PPP2R2B: variants seen among roughly 807,000 people sequenced by gnomAD.
The protein encoded by PPP2R2B is serine/threonine-protein phosphatase 2A 55 kDa regulatory subunit B beta isoform.
Under a neutral mutation model 46.0 loss-of-function variants are expected in PPP2R2B, and 5 were observed. The ratio of observed to expected loss-of-function variants is 0.11; its 90% CI spans 0.06 to 0.23. The LOEUF (loss-of-function observed/expected upper bound fraction) is 0.23. Among genes scored for constraint, PPP2R2B ranks in the 10% least tolerant of loss-of-function variants. The probability of loss-of-function intolerance (pLI) is 1.00; values close to 1 mark genes in which losing one functional copy is unlikely to be tolerated. For synonymous variants in PPP2R2B, 215 were observed against 206.7 expected (o/e 1.04, Z -0.34); for missense variants, 367 against 575.0 (o/e 0.64, Z 3.70).
At chr5:146,840,098 TTCTG>T (rs1163738274) in intron 2 of PPP2R2B, among the ~76,000 whole-genome samples, 7 of 152,222 alleles carry the variant, frequency 4.6e-5, no homozygotes, top group African/African-American at 7.2e-5. Context: ...ATTATGTTGA[TTCTG>T]TTTTTTTCTA....
chr5:147,055,777 AAC>A (rs1757060775), exon 1 of PPP2R2B: 9 of 1,573,474 alleles, frequency 5.7e-6, no homozygotes, highest in Middle Eastern at 1.8e-4. Flanking sequence ...TAAATAAAAA[AAC>A]AGTCTCCTGA....
intron 2 of PPP2R2B, among the ~76,000 whole-genome samples, chr5:146,801,485 A>G (rs1756862649): frequency 6.6e-6 from 1 of 152,218 alleles, no homozygotes; most frequent in South Asian, 2.1e-4. Context: ...TAGAAAAAGA[A>G]TAGGGCCCCT....
chr5:147,002,719 C>G (rs1200606208), intron 1 of PPP2R2B, among the ~76,000 whole-genome samples: 1 of 148,434 alleles, frequency 6.7e-6, no homozygotes, highest in African/African-American at 2.4e-5. Context: ...CTCTTCTGAT[C>G]ACCAGGGTCC....
intron 2 of PPP2R2B, among the ~76,000 whole-genome samples, chr5:146,838,774 T>C (rs1759450880): frequency 6.6e-6 from 1 of 152,192 alleles, no homozygotes; most frequent in South Asian, 2.1e-4. Flanking sequence ...TAGTTCCTCA[T>C]ATATTATACC....
Position 146,898,185 on chromosome 5 carries a change from C to CA in PPP2R2B, c.79+157479dup, listed in dbSNP as rs1183910825. Among the ~76,000 whole-genome samples the CA allele has an allele frequency of 1.1e-4, 17 of 152,026 alleles. 1 individual carries two copies. In the East Asian group the frequency reaches 3.3e-3, roughly 29 times the overall value. On this transcript the variant is annotated intron_variant, in intron 1 of 8. Coordinates refer to the PPP2R2B transcript ENST00000336640. Reference sequence around the variant, plus strand: ...GGGCGACAAGAGTGAGACTCCATCTCAAAAAAACAAACAAACAAAAAAAGT... The same window carrying CA: ...GGGCGACAAGAGTGAGACTCCATCTCAAAAAAAACAAACAAACAAAAAAAGT...
At chr5:147,059,398 A>T (rs1757191392), upstream of PPP2R2B, among the ~76,000 whole-genome samples, 1 of 152,226 alleles carries the variant, frequency 6.6e-6, no homozygotes, top group Non-Finnish European at 1.5e-5. Context: ...GTTAGCAGTC[A>T]TTAACTCTGT....
rs143154447 is a variant in PPP2R2B, at chr5:146,860,224, T to G, written c.70+17778A>C. Among the ~76,000 whole-genome samples the G allele has an allele frequency of 1.8e-3, 275 of 152,330 alleles. 2 individuals carry two copies. Among genetic ancestry groups the G allele is most frequent in the Non-Finnish European group, 1.8e-3 (121 of 68,026 alleles). ...GTAAAACAAAAGCCATCATGCTATT[T>G]TAAGTATACATTTTCCCTGGGCCTA... On this transcript the variant is annotated intron_variant, in intron 2 of 9. Transcript: ENST00000394411.
At chr5:146,635,699 A>G (rs1476217455) in intron 7 of PPP2R2B, among the ~76,000 whole-genome samples, 1 of 152,226 alleles carries the variant, frequency 6.6e-6, no homozygotes, top group African/African-American at 2.4e-5. Flanking sequence ...CATGTCCGGT[A>G]CTGAGTCCCA....
chr5:146,955,905 A>C (rs2151838661), intron 1 of PPP2R2B, among the ~76,000 whole-genome samples: 1 of 149,798 alleles, frequency 6.7e-6, no homozygotes, highest in East Asian at 2.0e-4. Flanking sequence ...CAGCCTCCTG[A>C]GTAGCTGGGA....
intron 2 of PPP2R2B, among the ~76,000 whole-genome samples, chr5:146,781,484 A>C (rs981941360): frequency 1.3e-5 from 2 of 151,970 alleles, no homozygotes; most frequent in Non-Finnish European, 2.9e-5. Flanking sequence ...TTAACACAAA[A>C]ATCTGGATAT....
chr5:146,877,190 C>T (rs962069927), intron 2 of PPP2R2B, among the ~76,000 whole-genome samples: 5 of 152,322 alleles, frequency 3.3e-5, no homozygotes, highest in African/African-American at 1.2e-4. Context: ...TGAGATTCCA[C>T]CTGCTGACTT....
In PPP2R2B at chr5:146,944,169, G is replaced by T. The variant is rs1315469908; in HGVS notation, c.79+111496C>A. Among the ~76,000 whole-genome samples, 3 of 152,242 alleles carry T rather than the reference G, an allele frequency of 2.0e-5. No individual in the cohort carries two copies. The East Asian group carries it at 5.8e-4, about 29-fold the overall frequency. On this transcript the variant is annotated intron_variant, in intron 1 of 8. Coordinates refer to the PPP2R2B transcript ENST00000336640. ...GTAGTTCCATAATGGTCTCATTACT[G>T]CTCCTAAGTGCAATACGCTGAGACG...
chr5:146,909,533 T>G (rs1291328180), intron 1 of PPP2R2B, among the ~76,000 whole-genome samples: 4 of 152,196 alleles, frequency 2.6e-5, no homozygotes, highest in Admixed American at 1.3e-4. Flanking sequence ...CATAATAACC[T>G]GGCATGAAAT....
chr5:146,698,487 T>C (rs1333269599), intron 3 of PPP2R2B, among the ~76,000 whole-genome samples: 3 of 151,682 alleles, frequency 2.0e-5, no homozygotes, highest in African/African-American at 7.3e-5. Flanking sequence ...TTTTGCATCC[T>C]AACAGATGCT....
chr5:146,688,180 G>A (rs1257860649), intron 5 of PPP2R2B, among the ~76,000 whole-genome samples: 1 of 152,092 alleles, frequency 6.6e-6, no homozygotes, highest in African/African-American at 2.4e-5. Flanking sequence ...GAGAGCCTAG[G>A]AAAGGAGAGG....
At chr5:146,867,259 A>G (rs563814017) in intron 2 of PPP2R2B, among the ~76,000 whole-genome samples, 4 of 152,318 alleles carry the variant, frequency 2.6e-5, no homozygotes, top group Non-Finnish European at 4.4e-5. Context: ...GTTCAACCTC[A>G]AGGAAATCAA....
intron 2 of PPP2R2B, chr5:146,856,524 T>C: frequency 1.9e-6 from 3 of 1,610,868 alleles, no homozygotes; most frequent in Non-Finnish European, 2.5e-6. Context: ...TGTTTTCATC[T>C]GGATAATTCA....
intron 2 of PPP2R2B, among the ~76,000 whole-genome samples, chr5:146,822,535 G>GTTTTTTTTTTTTTTTT (rs368081191): frequency 8.0e-6 from 1 of 125,300 alleles, no homozygotes; most frequent in Non-Finnish European, 1.7e-5. Flanking sequence ...TTCATTTTTG[G>GTTTTTTTTTTTTTTTT]TTTTTTTTTT....
At chr5:146,918,683 G>T (rs1395516005) in intron 1 of PPP2R2B, among the ~76,000 whole-genome samples, 1 of 151,914 alleles carries the variant, frequency 6.6e-6, no homozygotes, top group East Asian at 1.9e-4. Context: ...TATACTTTTG[G>T]TTCTTCCTGT....
Sources: gnomAD v4.1 joint callset for allele counts (sites outside exome capture counted in the v4.1 genomes callset) on GRCh38, gnomAD v4.1.1 for gene constraint, MANE v1.5 for transcripts, NCBI Gene and HGNC (gene_info 2026-07-23, HGNC 2026-07-21) for gene names.